COG5: variants seen among roughly 807,000 people sequenced by gnomAD.
The protein encoded by COG5 is component of oligomeric golgi complex 5.
In COG5, 86 loss-of-function variants were observed where a neutral mutation model predicts 110.4. The observed-to-expected ratio is 0.78, with a 90% CI of 0.65 to 0.93. The LOEUF (loss-of-function observed/expected upper bound fraction) is 0.93, where lower values mean the gene tolerates loss of function less well. Among genes scored for constraint, COG5 ranks in the 40% least tolerant of loss-of-function variants. The probability of loss-of-function intolerance (pLI) is 0.00; values close to 1 mark genes in which losing one functional copy is unlikely to be tolerated. For missense variants in COG5, 1,077 were observed against 987.0 expected (o/e 1.09, Z -1.22); for synonymous variants, 360 against 334.6 (o/e 1.08, Z -0.83).
intron 7 of COG5, among the ~76,000 whole-genome samples, chr7:107,383,538 G>T (rs572245246): frequency 6.6e-6 from 1 of 152,130 alleles, no homozygotes; most frequent in Admixed American, 6.5e-5. Context: ...CTATTCTCTA[G>T]GCCCCCCTAC....
intron 14 of COG5, among the ~76,000 whole-genome samples, chr7:107,265,981 G>A (rs1326083690): frequency 6.6e-6 from 1 of 152,034 alleles, no homozygotes; most frequent in African/African-American, 2.4e-5. Context: ...GACCCCAGGA[G>A]GTCAAGGCTG....
intron 21 of COG5, chr7:107,209,779 C>T: frequency 3.1e-6 from 3 of 976,222 alleles, no homozygotes; most frequent in Non-Finnish European, 3.7e-6. Context: ...AATGTGAGCT[C>T]AGCATCAATA....
chr7:107,375,176 C>T (rs957441222), intron 7 of COG5, among the ~76,000 whole-genome samples: 8 of 151,900 alleles, frequency 5.3e-5, no homozygotes, highest in African/African-American at 1.4e-4. Context: ...TTGTGAAATT[C>T]GTCCATGTTG....
intron 19 of COG5, among the ~76,000 whole-genome samples, chr7:107,219,681 G>T (rs10271937): frequency 0.096 from 14,638 of 152,144 alleles, 1,876 homozygotes; most frequent in African/African-American, 0.29. Context: ...GAGGCTAAGG[G>T]GGGAGGAAAT....
intron 10 of COG5, among the ~76,000 whole-genome samples, chr7:107,336,242 T>G (rs1810687874): frequency 6.6e-6 from 1 of 152,210 alleles, no homozygotes; most frequent in African/African-American, 2.4e-5. Flanking sequence ...ATCCTTTCAT[T>G]TGCAGCAACA....
In COG5 at chr7:107,201,518, T is replaced by A. The variant is rs2116046825; in HGVS notation, c.*1998A>T. On this transcript the variant is annotated 3_prime_UTR_variant, in exon 22 of 22. Coordinates refer to ENST00000297135, the MANE Select transcript of COG5 (RefSeq NM_006348.5). ...TTAAGAAGATCAAGGTCTCACCATT[T>A]GTCCTCAATTCGTGTGACCATAAGA... 1 of 764,464 alleles carries A rather than the reference T, an allele frequency of 1.3e-6. No individual in the cohort carries two copies. Among genetic ancestry groups the A allele is most frequent in the East Asian group, 2.6e-5 (1 of 38,142 alleles). 47.4% of individuals were successfully genotyped at this position (764,464 alleles called of 1,614,324 possible). A position where few individuals can be genotyped will look rare whatever the true frequency, so the allele number is the denominator to read the frequency against.
intron 10 of COG5, 119 bp from the exon 11 acceptor site, chr7:107,324,640 T>A: frequency 3.3e-6 from 2 of 599,492 alleles, no homozygotes; most frequent in Non-Finnish European, 3.0e-6. Context: ...ATTTTAGACA[T>A]CTAACCATCA....
At chr7:107,221,490 T>G (rs535861675) in intron 19 of COG5, among the ~76,000 whole-genome samples, 12 of 151,956 alleles carry the variant, frequency 7.9e-5, no homozygotes, top group African/African-American at 2.9e-4. Context: ...CTTGGCCAGG[T>G]GTGGTGGCTC....
At chr7:107,542,022 G>A (rs1269808254) in intron 5 of COG5, among the ~76,000 whole-genome samples, 2 of 151,346 alleles carry the variant, frequency 1.3e-5, no homozygotes, top group Non-Finnish European at 2.9e-5. Context: ...AAATTTACAA[G>A]CAATTTCAGG....
Position 107,474,366 on chromosome 7 carries a change from C to A in COG5, c.538+52871G>T, listed in dbSNP as rs1036638774. The stretch of plus-strand genomic sequence containing the variant: ...GATGTATTCCTCTAACTATAGTTAT[C>A]CTTCTGCTTTCACTGGAGAGTAACA... On this transcript the variant is annotated intron_variant, in intron 6 of 21. Coordinates refer to ENST00000297135, the MANE Select transcript of COG5 (RefSeq NM_006348.5). The surrounding 1 kb of genome is among the most constrained non-coding windows in gnomAD (Gnocchi z 5.7). The A allele has an allele frequency of 1.4e-5, 23 of 1,612,514 alleles. No individual in the cohort carries two copies. The Admixed American group carries it at 3.8e-4, about 27-fold the overall frequency.
chr7:107,264,051 T>C (rs1477494281), intron 14 of COG5, among the ~76,000 whole-genome samples: 2 of 152,186 alleles, frequency 1.3e-5, no homozygotes, highest in Non-Finnish European at 2.9e-5. Context: ...AAATAATATA[T>C]TATAGATTAC....
chr7:107,372,967 T>C (rs1814315174), intron 7 of COG5, among the ~76,000 whole-genome samples: 1 of 152,190 alleles, frequency 6.6e-6, no homozygotes, highest in Non-Finnish European at 1.5e-5. Context: ...AGTTAAATAC[T>C]ATGTATATTA....
chr7:107,221,909 T>G (rs547056524), intron 19 of COG5, among the ~76,000 whole-genome samples: 1 of 152,356 alleles, frequency 6.6e-6, no homozygotes, highest in African/African-American at 2.4e-5. Context: ...GAAACTTATC[T>G]ATAGCAATTT....
At chr7:107,213,107 C>T (rs1003826724) in intron 19 of COG5, among the ~76,000 whole-genome samples, 36 of 140,790 alleles carry the variant, frequency 2.6e-4, no homozygotes, top group South Asian at 4.5e-4. Flanking sequence ...CTCTGTGTTG[C>T]TGCCAGCAGC....
chr7:107,373,259 G>A (rs528374374), intron 7 of COG5, among the ~76,000 whole-genome samples: 1 of 152,200 alleles, frequency 6.6e-6, no homozygotes, highest in East Asian at 1.9e-4. Context: ...TCATAGCTCT[G>A]AGTGCTGGAA....
At chr7:107,269,258 G>A (rs576439905) in intron 14 of COG5, among the ~76,000 whole-genome samples, 12 of 152,084 alleles carry the variant, frequency 7.9e-5, no homozygotes, top group South Asian at 6.2e-4. Context: ...GGGGGATCAC[G>A]AGGTCACAAG....
At chr7:107,283,985 C>T (rs931126963) in intron 12 of COG5, among the ~76,000 whole-genome samples, 9 of 149,808 alleles carry the variant, frequency 6.0e-5, no homozygotes, top group South Asian at 2.1e-4. Context: ...AGTGCAACGG[C>T]GCAATCTTGG....
chr7:107,434,966 T>C (rs1488980290), intron 6 of COG5, among the ~76,000 whole-genome samples: 1 of 150,478 alleles, frequency 6.6e-6, no homozygotes, highest in African/African-American at 2.4e-5. Context: ...CGAGACTCCG[T>C]CTTAAAAAAA....
At position 107,535,284 on chromosome 7, in the gene COG5, G is replaced by T. The variant is rs185496129; in HGVS notation, c.418-7927C>A. On this transcript the variant is annotated intron_variant, in intron 5 of 21. Transcript: ENST00000297135. Reference sequence around the variant, plus strand: ...ACTAGAGAAGCAAGAGCAAACAAATGCAAAATCTAGCAGAAGACAAGAAAT... The same window carrying T: ...ACTAGAGAAGCAAGAGCAAACAAATTCAAAATCTAGCAGAAGACAAGAAAT... 6.2e-3 allele frequency among the ~76,000 whole-genome samples: 938 copies of T among 151,458 alleles called. 51 individuals are homozygous for T. Among genetic ancestry groups the T allele is most frequent in the African/African-American group, 0.022 (906 of 40,924 alleles).
Sources: gnomAD v4.1 joint callset for allele counts (sites outside exome capture counted in the v4.1 genomes callset) on GRCh38, gnomAD v4.1.1 for gene constraint, Gnocchi (gnomAD v3.1) non-coding constraint, MANE v1.5 for transcripts, NCBI Gene and HGNC (gene_info 2026-07-23, HGNC 2026-07-21) for gene names.